Variants in CCDC33 observed in about 807,000 individuals in gnomAD.
CCDC33 encodes coiled-coil domain containing 33.
A neutral mutation model predicts 91.9 loss-of-function variants in CCDC33; 94 were observed. That is an observed-to-expected ratio of 1.02 (90% CI 0.87 to 1.21). The LOEUF (loss-of-function observed/expected upper bound fraction) is 1.21, where lower values mean the gene tolerates loss of function less well. CCDC33 is among the 50% of genes most tolerant of loss of function. The pLI, the probability that CCDC33 is intolerant of heterozygous loss-of-function variation, is 0.00. For missense variants in CCDC33, 940 were observed against 935.5 expected, an observed-to-expected ratio of 1.00 and a Z score of -0.06; for synonymous variants, 396 against 374.5, an observed-to-expected ratio of 1.06 and a Z score of -0.66.
chr15:74,217,353 C>A lies in CCDC33; in HGVS notation c.82C>A (p.Leu28Met), dbSNP rs142500039. The A allele has an allele frequency of 2.2e-3, 2,821 of 1,290,132 alleles. 9 individuals carry two copies. Among genetic ancestry groups the A allele is most frequent in the Middle Eastern group, 7.4e-3 (35 of 4,700 alleles). The allele number at this position is 1,290,132 out of a possible 1,614,324, so 79.9% of individuals were successfully genotyped here. Residue 28 changes from leucine (L) to methionine (M), a missense_variant, in exon 1 of 3, where the codon CTG (leucine) becomes ATG (methionine). By Grantham distance (15) the Leu-to-Met change is conservative. Coordinates refer to the CCDC33 transcript ENST00000635913. ...GAAGGCCGAGGAGAAGACGCTGGAT[C>A]TGGAGTTCGAAGTTTTGAGCGTGGG...
intron 2 of CCDC33, among the ~76,000 whole-genome samples, chr15:74,210,564 GA>G (rs1349304692): frequency 6.6e-6 from 1 of 152,254 alleles, no homozygotes; most frequent in Non-Finnish European, 1.5e-5. Flanking sequence ...ACACTTGGGG[GA>G]GGGGTGAATT....
Position 74,259,169 on chromosome 15 carries a change from G to A in CCDC33, c.186-3271G>A, listed in dbSNP as rs79418157. 7.9e-3 allele frequency among the ~76,000 whole-genome samples: 1,195 copies of A among 152,180 alleles called. 12 individuals carry two copies. Among genetic ancestry groups the A allele is most frequent in the African/African-American group, 0.027 (1,113 of 41,508 alleles). On this transcript the variant is annotated intron_variant, in intron 2 of 18. Coordinates refer to ENST00000398814, the MANE Select transcript of CCDC33 (RefSeq NM_025055.5). ...CTGGCCCTGGATGCCTGGAGCCAACGGGTCCAAGTCAACAGGGCAGGTCTT... is the reference window on the plus strand; with the variant it reads ...CTGGCCCTGGATGCCTGGAGCCAACAGGTCCAAGTCAACAGGGCAGGTCTT...
intron 7 of CCDC33, among the ~76,000 whole-genome samples, chr15:74,273,248 T>A (rs768239716): frequency 2.0e-5 from 3 of 152,028 alleles, no homozygotes; most frequent in Non-Finnish European, 2.9e-5. Flanking sequence ...AAATTCAGAG[T>A]CAGAATGTAG....
At chr15:74,281,662 C>A in intron 9 of CCDC33, 116 bp from the exon 10 acceptor site, 1 of 912,058 alleles carries the variant, frequency 1.1e-6, no homozygotes, top group Non-Finnish European at 1.7e-6. Flanking sequence ...CTCCCTCCCA[C>A]CCTCCTGGGT....
At chr15:74,222,210 A>T (rs2074617900) in intron 2 of CCDC33, among the ~76,000 whole-genome samples, 1 of 152,214 alleles carries the variant, frequency 6.6e-6, no homozygotes. Flanking sequence ...AGATCCCTGA[A>T]AGTCTACTGA....
At chr15:74,303,735 C>G (rs1408804917) in intron 11 of CCDC33, 1 of 152,834 alleles carries the variant, frequency 6.5e-6, no homozygotes, top group East Asian at 1.9e-4. Flanking sequence ...AGGGCCCCAG[C>G]CCTCCTCAGC....
rs74023468 is a variant in CCDC33, at chr15:74,288,920, G to C, written c.1096-6834G>C. Among the ~76,000 whole-genome samples, 386 of 152,304 alleles carry C rather than the reference G, an allele frequency of 2.5e-3. 2 individuals are homozygous for C. Among genetic ancestry groups the C allele is most frequent in the African/African-American group, 9.0e-3 (374 of 41,556 alleles). On this transcript the variant is annotated intron_variant, in intron 10 of 18. Transcript: ENST00000398814. ...GGGGATTGTAATCCCTACCAGCCAG[G>C]AACATAGTGAAGATTGAATGAGGAA...
chr15:74,204,731 G>C (rs2074219960), intron 1 of CCDC33, among the ~76,000 whole-genome samples: 1 of 152,160 alleles, frequency 6.6e-6, no homozygotes, highest in Non-Finnish European at 1.5e-5. Context: ...TCAGGAGTTA[G>C]AGACCCAGCC....
intron 2 of CCDC33, among the ~76,000 whole-genome samples, chr15:74,246,489 C>G (rs529904426): frequency 5.0e-4 from 76 of 151,884 alleles, no homozygotes; most frequent in Admixed American, 1.7e-3. Context: ...GACAAGTAAC[C>G]CAATTTAAAA....
chr15:74,286,247 A>T (rs904303760), intron 10 of CCDC33, among the ~76,000 whole-genome samples: 3 of 152,134 alleles, frequency 2.0e-5, no homozygotes, highest in Non-Finnish European at 2.9e-5. Flanking sequence ...CTGTGTCTCA[A>T]AAACAAAAAC....
At position 74,331,279 on chromosome 15, in the gene CCDC33, A is replaced by G; in HGVS notation, c.1754A>G (p.Gln585Arg). 1 of 1,614,074 alleles carries G rather than the reference A, an allele frequency of 6.2e-7. No individual in the cohort carries two copies. The highest frequency in any genetic ancestry group is 8.5e-7 in the Non-Finnish European group (1 of 1,179,946). The stretch of plus-strand genomic sequence containing the variant: ...AAGCCCCCTCCTCTGAACAGGCAGC[A>G]GGGAAAGCCCTACACGGGTGGGTCC... ...RSKPPPLNRQ[Q>R]GKPYTGFPML... The change falls in exon 15 of 19, where the codon CAG (glutamine) becomes CGG (arginine). Residue 585 changes from glutamine to arginine, a missense_variant. Transcript: ENST00000398814.
chr15:74,320,520 C>G (rs1039408253), intron 11 of CCDC33, among the ~76,000 whole-genome samples: 3 of 152,032 alleles, frequency 2.0e-5, no homozygotes, highest in Admixed American at 6.5e-5. Context: ...CAGAGCTGAG[C>G]TTAGGGGTAC....
intron 7 of CCDC33, among the ~76,000 whole-genome samples, chr15:74,274,130 G>A (rs1476658445): frequency 1.3e-5 from 2 of 152,188 alleles, no homozygotes; most frequent in South Asian, 2.1e-4. Context: ...GCACTCAGCC[G>A]GCAGTCTTGA....
intron 2 of CCDC33, among the ~76,000 whole-genome samples, chr15:74,211,126 T>C (rs2629727): frequency 1.0e-4 from 14 of 135,008 alleles, no homozygotes; most frequent in African/African-American, 3.7e-4. Flanking sequence ...TTGCCAGAGA[T>C]TCCCCCCCAC....
In CCDC33 at chr15:74,333,950, C is replaced by T. The variant is rs2060496963; in HGVS notation, c.2008C>T (p.Leu670=). 3 of 1,613,386 alleles carry T rather than the reference C, an allele frequency of 1.9e-6. No individual in the cohort carries two copies. The African/African-American group carries it at 4.0e-5, about 22-fold the overall frequency. ...GCTGGAACACGCTCAGAGCCGGATC[C>T]TGTCCCTGGAAAGCCAGGTGGGTGA... ...AKLEHAQSRI[L]SLESQLEDSA... is the part of the protein sequence containing the mutation. Residue 670 remains leucine (L), a synonymous_variant, in exon 17 of 19, where the codon CTG becomes TTG. Transcript: ENST00000398814.
At position 74,244,242 on chromosome 15, in the gene CCDC33, C is replaced by T. The variant is rs1172498043; in HGVS notation, c.185+94C>T. 1.3e-6 allele frequency: 2 copies of T among 1,482,072 alleles called. No homozygotes were observed. Among genetic ancestry groups the T allele is most frequent in the Non-Finnish European group, 1.8e-6 (2 of 1,099,370 alleles). 91.8% of individuals were successfully genotyped at this position (1,482,072 alleles called of 1,614,324 possible). ...TTTGGAATACTAGCACCCAAAGGCC[C>T]AGGACTGGGACTGTCATACCCAGAG... On this transcript the variant is annotated intron_variant, in intron 2 of 18. Transcript: ENST00000398814. The surrounding 1 kb of genome is among the most constrained non-coding windows in gnomAD (Gnocchi z 4.2).
At chr15:74,275,100 C>T (rs74023461) in intron 7 of CCDC33, among the ~76,000 whole-genome samples, 1 of 152,082 alleles carries the variant, frequency 6.6e-6, no homozygotes, top group Admixed American at 6.5e-5. Flanking sequence ...CATCTCTACA[C>T]TTGAGGGGGT....
At chr15:74,233,366 A>T (rs1408798133), upstream of CCDC33, among the ~76,000 whole-genome samples, 1 of 152,212 alleles carries the variant, frequency 6.6e-6, no homozygotes, top group East Asian at 1.9e-4. Context: ...AGTGGTGTAG[A>T]CAGCAGGTCT....
intron 11 of CCDC33, among the ~76,000 whole-genome samples, chr15:74,305,354 G>A (rs1408273023): frequency 6.6e-6 from 1 of 152,176 alleles, no homozygotes; most frequent in Non-Finnish European, 1.5e-5. Flanking sequence ...GTTTGCAGAG[G>A]GCACATGCTG....
Sources: gnomAD v4.1 joint callset for allele counts (sites outside exome capture counted in the v4.1 genomes callset) on GRCh38, gnomAD v4.1.1 for gene constraint, Gnocchi (gnomAD v3.1) non-coding constraint, MANE v1.5 for transcripts, NCBI Gene and HGNC (gene_info 2026-07-23, HGNC 2026-07-21) for gene names.